NPM2: variants seen among roughly 807,000 people sequenced by gnomAD.
The protein encoded by NPM2 is nucleoplasmin-2.
Under a neutral mutation model 32.0 loss-of-function variants are expected in NPM2, and 25 were observed. The observed-to-expected ratio is 0.78, with a 90% CI of 0.57 to 1.09. The LOEUF (loss-of-function observed/expected upper bound fraction) is 1.09. Ranked by LOEUF, NPM2 falls within the 50% of genes least tolerant of loss-of-function variation. NPM2 has a pLI of 0.00. For missense variants in NPM2, 282 were observed against 259.9 expected (o/e 1.08, Z -0.58); for synonymous variants, 111 against 94.2 (o/e 1.18, Z -1.04).
At position 22,034,230 on chromosome 8, in the gene NPM2, A is replaced by G; in HGVS notation, c.486A>G (p.Lys162=). 6.2e-7 allele frequency: 1 copy of G among 1,608,938 alleles called. No individual in the cohort carries two copies. Among genetic ancestry groups the G allele is most frequent in the African/African-American group, 1.3e-5 (1 of 74,922 alleles). ...DISLEEQSPV[K]QVKRLVPQKQ... is the part of the protein sequence containing the mutation. ...CTCTGGAGGAGCAAAGCCCTGTCAA[A>G]CAAGTCAAAAGGCTGGTGCCCCAGA... The change falls in exon 7 of 10, where the codon AAA becomes AAG. Residue 162 remains lysine, a synonymous_variant. Coordinates refer to ENST00000518119, the MANE Select transcript of NPM2 (RefSeq NM_001286680.2).
rs758893655 is a variant in NPM2, at chr8:22,025,817, C to G, written c.270+45C>G. The G allele has an allele frequency of 3.1e-6, 5 of 1,612,328 alleles. No homozygotes were observed. In the South Asian group the frequency reaches 5.5e-5, roughly 18 times the overall value. The stretch of plus-strand genomic sequence containing the variant: ...CTGGAAGACTGCTGTCAGCCTCACC[C>G]TCACCCTTGGGTGGGGATGGACACA... On this transcript the variant is annotated intron_variant, in intron 5 of 9. Coordinates refer to ENST00000518119, the MANE Select transcript of NPM2 (RefSeq NM_001286680.2).
intron 5 of NPM2, among the ~76,000 whole-genome samples, chr8:22,032,390 G>A (rs573265960): frequency 3.3e-5 from 5 of 152,226 alleles, no homozygotes; most frequent in South Asian, 4.2e-4. Flanking sequence ...GGGGTTTCAC[G>A]CTCGTGTGTA....
At chr8:22,033,074 C>A in intron 5 of NPM2, 56 bp from the exon 6 acceptor site, 1 of 1,312,340 alleles carries the variant, frequency 7.6e-7, no homozygotes, top group Non-Finnish European at 1.1e-6. Context: ...TGAGGCTAGT[C>A]CCCGAGAGGT....
intron 7 of NPM2, 84 bp downstream of exon 7, chr8:22,034,359 C>A: frequency 7.0e-7 from 1 of 1,430,448 alleles, no homozygotes; most frequent in Non-Finnish European, 9.6e-7. Flanking sequence ...GGAGCCTGGG[C>A]CAGCCTCCCA....
chr8:22,035,280 T>C (rs1298451560), intron 8 of NPM2, among the ~76,000 whole-genome samples: 1 of 152,200 alleles, frequency 6.6e-6, no homozygotes, highest in East Asian at 1.9e-4. Flanking sequence ...AGTTTTGGTT[T>C]GTTTGTTTAA....
At chr8:22,033,382 G>A (rs1018182778) in intron 6 of NPM2, among the ~76,000 whole-genome samples, 159 bp downstream of exon 6, 5 of 152,180 alleles carry the variant, frequency 3.3e-5, no homozygotes, top group Non-Finnish European at 2.9e-5. Flanking sequence ...AGGCAAGGGC[G>A]CTGGTCCCTG....
chr8:22,034,451 T>G (rs1800551164), intron 7 of NPM2, 59 bp from the exon 8 acceptor site: 1 of 1,511,032 alleles, frequency 6.6e-7, no homozygotes, highest in Non-Finnish European at 9.2e-7. Context: ...ACTTTGGGAA[T>G]CTGTTCTGGC....
intron 5 of NPM2, among the ~76,000 whole-genome samples, chr8:22,029,287 G>A (rs1800357347): frequency 1.3e-5 from 2 of 152,180 alleles, no homozygotes; most frequent in African/African-American, 4.8e-5. Flanking sequence ...GGGATTACAG[G>A]TATGCACCAT....
chr8:22,025,718 C>T lies in NPM2; in HGVS notation c.216C>T (p.Asp72=). ...TCCTGCCCCCAGCAAACCAGGAGGA[C>T]AAGAAGATGCAGCCGGTCACCATTG... ...VEILPPANQE[D]KKMQPVTIAS... Residue 72 remains aspartate (D), a synonymous_variant, in exon 5 of 10, where the codon GAC becomes GAT. Transcript: ENST00000518119. 1 of 1,614,084 alleles carries T rather than the reference C, an allele frequency of 6.2e-7. No homozygotes were observed. Among genetic ancestry groups the T allele is most frequent in the Non-Finnish European group, 8.5e-7 (1 of 1,180,002 alleles).
chr8:22,032,262 A>G (rs751561534), intron 5 of NPM2, among the ~76,000 whole-genome samples: 9 of 152,228 alleles, frequency 5.9e-5, no homozygotes, highest in Non-Finnish European at 1.2e-4. Flanking sequence ...CTATCGACTG[A>G]CAATTATGGT....
rs1259489127 is a variant in NPM2 at position 22,025,515 on chromosome 8, T to C, written c.138T>C (p.Leu46=). The change falls in exon 4 of 10, where the codon CTT becomes CTC. Residue 46 remains leucine (L), a synonymous_variant. Transcript: ENST00000518119. The part of the protein sequence containing the change: ...LEGKQSCRLL[L]HTICLGEKAK... The stretch of plus-strand genomic sequence containing the variant: ...GGAAGCAGAGCTGCAGGCTGTTGCT[T>C]CATACGGTAGGTGTTCCCAAAAGAG... 6.2e-7 allele frequency: 1 copy of C among 1,613,968 alleles called. No homozygotes were observed. The highest frequency in any genetic ancestry group is 8.5e-7 in the Non-Finnish European group (1 of 1,180,010).
chr8:22,027,318 C>A (rs1037607880), intron 5 of NPM2, among the ~76,000 whole-genome samples: 4 of 152,144 alleles, frequency 2.6e-5, no homozygotes, highest in Non-Finnish European at 5.9e-5. Context: ...CTCAGACTTT[C>A]CTGTTCTATT....
chr8:22,035,628 A>G (rs1001734531), intron 8 of NPM2, among the ~76,000 whole-genome samples: 2 of 152,198 alleles, frequency 1.3e-5, no homozygotes, highest in East Asian at 1.9e-4. Flanking sequence ...TTTATTTCAC[A>G]TATTTTTAAA....
chr8:22,033,358 C>A, intron 6 of NPM2, 135 bp downstream of exon 6: 2 of 734,074 alleles, frequency 2.7e-6, no homozygotes, highest in Non-Finnish European at 4.8e-6. Context: ...TGACAGCCAG[C>A]AGCCTGGACT....
At position 22,034,263 on chromosome 8, in the gene NPM2, G is replaced by C. The variant is rs1287038846; in HGVS notation, c.519G>C (p.Ala173=). The change falls in exon 7 of 10, where the codon GCG becomes GCC. Residue 173 remains alanine (A), a synonymous_variant. Coordinates refer to ENST00000518119, the MANE Select transcript of NPM2 (RefSeq NM_001286680.2). ...QVKRLVPQKQ[A]SVAKKKKLEK... is the part of the protein sequence containing the mutation. Reference sequence around the variant, plus strand: ...AAAGGCTGGTGCCCCAGAAGCAGGCGAGCGTGGCTAAGGTGGGGGAAGGAG... The same window carrying C: ...AAAGGCTGGTGCCCCAGAAGCAGGCCAGCGTGGCTAAGGTGGGGGAAGGAG... 6.3e-7 allele frequency: 1 copy of C among 1,594,360 alleles called. No homozygotes were observed. Among genetic ancestry groups the C allele is most frequent in the Non-Finnish European group, 8.5e-7 (1 of 1,170,518 alleles).
chr8:22,031,417 C>T (rs887761663), intron 5 of NPM2, among the ~76,000 whole-genome samples: 1 of 152,186 alleles, frequency 6.6e-6, no homozygotes, highest in Non-Finnish European at 1.5e-5. Flanking sequence ...AGCCCAAGGC[C>T]TTGTCTCCTG....
Position 22,025,884 on chromosome 8 carries a change from G to A in NPM2, c.270+112G>A, listed in dbSNP as rs181764164. Reference sequence around the variant, plus strand: ...CCCTACAGAAATGAGCCATGCTAGGGAGGTAGCACAGCCCATGCAGAAAGC... The same window carrying A: ...CCCTACAGAAATGAGCCATGCTAGGAAGGTAGCACAGCCCATGCAGAAAGC... On this transcript the variant is annotated intron_variant, in intron 5 of 9. Transcript: ENST00000518119. 4,945 of 1,474,054 alleles carry A rather than the reference G, an allele frequency of 3.4e-3. 28 individuals carry two copies. Among genetic ancestry groups the A allele is most frequent in the South Asian group, 0.016 (1,324 of 82,114 alleles). 91.3% of individuals were successfully genotyped at this position (1,474,054 alleles called of 1,614,324 possible).
intron 5 of NPM2, among the ~76,000 whole-genome samples, chr8:22,031,163 C>G (rs1800427103): frequency 6.6e-6 from 1 of 152,190 alleles, no homozygotes; most frequent in African/African-American, 2.4e-5. Context: ...GTGAGAGGTA[C>G]AGCTATGGGG....
At chr8:22,027,837 C>A (rs978125197) in intron 5 of NPM2, among the ~76,000 whole-genome samples, 8 of 152,134 alleles carry the variant, frequency 5.3e-5, no homozygotes, top group African/African-American at 2.4e-5. Flanking sequence ...GAACTCCTGA[C>A]CTCAGGTGAT....
Sources: gnomAD v4.1 joint callset for allele counts (sites outside exome capture counted in the v4.1 genomes callset) on GRCh38, gnomAD v4.1.1 for gene constraint, MANE v1.5 for transcripts, NCBI Gene and HGNC (gene_info 2026-07-23, HGNC 2026-07-21) for gene names.